The following NCALD variants were observed in gnomAD, a reference collection of about 807,000 sequenced individuals.
NCALD encodes neurocalcin delta.
In NCALD, 10 loss-of-function variants were observed where a neutral mutation model predicts 18.6. That is an observed-to-expected ratio of 0.54 (90% CI 0.33 to 0.91). NCALD has a LOEUF of 0.91. Ranked by LOEUF, NCALD falls within the 40% of genes least tolerant of loss-of-function variation. The pLI is 0.03. For synonymous variants in NCALD, 88 were observed against 87.4 expected, an observed-to-expected ratio of 1.01 and a Z score of -0.04; for missense variants, 184 against 247.6, an observed-to-expected ratio of 0.74 and a Z score of 1.72.
At chr8:102,025,095 C>T (rs978219750) in intron 1 of NCALD, among the ~76,000 whole-genome samples, 6 of 152,206 alleles carry the variant, frequency 3.9e-5, no homozygotes, top group Non-Finnish European at 8.8e-5. Context: ...TGACACTACC[C>T]TCCTCCTAGG....
At position 102,108,607 on chromosome 8, in the gene NCALD, G is replaced by A. The variant is rs555022951; in HGVS notation, c.-210+15630C>T. Among the ~76,000 whole-genome samples the A allele has an allele frequency of 3.3e-5, 5 of 152,342 alleles. No homozygotes were observed. The East Asian group carries it at 5.8e-4, about 18-fold the overall frequency. ...TGATATCCTTTTGTAAAAGTCTAAG[G>A]ACGATAGCAGGAGCTACAACAATAC... On this transcript the variant is annotated intron_variant, in intron 1 of 6. Coordinates refer to the NCALD transcript ENST00000311028.
chr8:101,888,391 TCTTTTTTATTTA>T (rs902616641), intron 3 of NCALD, among the ~76,000 whole-genome samples: 4 of 151,496 alleles, frequency 2.6e-5, no homozygotes, highest in African/African-American at 9.8e-5. Flanking sequence ...AGCTGGACTT[TCTTTTTTATTTA>T]TTTATTTATT....
chr8:101,869,415 C>T (rs920293888), intron 4 of NCALD, among the ~76,000 whole-genome samples: 9 of 152,168 alleles, frequency 5.9e-5, no homozygotes, highest in Non-Finnish European at 7.4e-5. Context: ...GGAAGACATT[C>T]TCCCCATAGG....
intron 1 of NCALD, among the ~76,000 whole-genome samples, chr8:102,040,815 A>G (rs1038632692): frequency 1.3e-5 from 2 of 152,214 alleles, no homozygotes; most frequent in African/African-American, 4.8e-5. Context: ...TCTTCATAAC[A>G]GAGCCAGACT....
In NCALD at chr8:101,686,960, G is replaced by C. The variant is rs1444064776; in HGVS notation, c.*2349C>G. 2 of 152,518 alleles carry C rather than the reference G, an allele frequency of 1.3e-5. No individual in the cohort carries two copies. The highest frequency in any genetic ancestry group is 4.8e-5 in the African/African-American group (2 of 41,394). 9.4% of individuals were successfully genotyped at this position (152,518 alleles called of 1,614,324 possible). ...GATTCGACATACAAAGACCTTCCTG[G>C]GAAGGAGAAGGAGAAAAACAACCTC... On this transcript the variant is annotated 3_prime_UTR_variant, in exon 4 of 4. Transcript: ENST00000220931.
chr8:101,747,996 G>A (rs1414126320), intron 1 of NCALD, among the ~76,000 whole-genome samples: 2 of 152,260 alleles, frequency 1.3e-5, no homozygotes, highest in South Asian at 2.1e-4. Flanking sequence ...GGGATTACAG[G>A]CATGAACCAC....
chr8:102,036,205 A>C (rs1005051204), intron 1 of NCALD, among the ~76,000 whole-genome samples: 1 of 151,992 alleles, frequency 6.6e-6, no homozygotes, highest in Admixed American at 6.6e-5. Context: ...CCAGCTACTC[A>C]GGGGGCTGAG....
intron 3 of NCALD, among the ~76,000 whole-genome samples, chr8:101,912,930 T>G (rs898929703): frequency 1.3e-5 from 2 of 152,250 alleles, no homozygotes; most frequent in Non-Finnish European, 2.9e-5. Context: ...GTGACAAGCC[T>G]GTGAGATGCC....
chr8:101,862,610 T>G (rs1815591184), intron 4 of NCALD, among the ~76,000 whole-genome samples: 1 of 152,242 alleles, frequency 6.6e-6, no homozygotes, highest in Admixed American at 6.5e-5. Context: ...ACTAAAATTT[T>G]CAAAAATGAC....
intron 3 of NCALD, chr8:101,692,483 A>T (rs1038505876): frequency 2.0e-6 from 2 of 985,348 alleles, no homozygotes; most frequent in Admixed American, 1.2e-4. Context: ...GCCTGTCCCA[A>T]GGATGGGTCT....
chr8:101,703,249 G>A (rs1219752321), intron 2 of NCALD, among the ~76,000 whole-genome samples: 1 of 151,740 alleles, frequency 6.6e-6, no homozygotes, highest in Non-Finnish European at 1.5e-5. Flanking sequence ...CAGAGATATT[G>A]TAGATATTGT....
At chr8:101,690,668 C>T in intron 3 of NCALD, 1 of 985,490 alleles carries the variant, frequency 1.0e-6, no homozygotes, top group Non-Finnish European at 1.2e-6. Context: ...CCCACTTTAT[C>T]TCCATGAAGG....
intron 2 of NCALD, among the ~76,000 whole-genome samples, chr8:101,946,858 G>T (rs1260481240): frequency 7.2e-6 from 1 of 139,260 alleles, no homozygotes; most frequent in East Asian, 2.0e-4. Context: ...CCTAATTGAA[G>T]AGGACTGATA....
At chr8:101,902,273 T>A (rs1438138858) in intron 3 of NCALD, among the ~76,000 whole-genome samples, 3 of 1,452 alleles carry the variant, frequency 2.1e-3, no homozygotes. Context: ...ATCCACTGAG[T>A]TTTTTTTTTT....
In NCALD at chr8:102,042,642, G is replaced by T. The variant is rs182917156; in HGVS notation, c.-209-22353C>A. On this transcript the variant is annotated intron_variant, in intron 1 of 6. Coordinates refer to the NCALD transcript ENST00000311028. Reference sequence around the variant, plus strand: ...TTGTCGGGTCTCCTGGACATTTCATGAGACCCCCAACTAATGAAAGCTAGA... The same window carrying T: ...TTGTCGGGTCTCCTGGACATTTCATTAGACCCCCAACTAATGAAAGCTAGA... Among the ~76,000 whole-genome samples, 87 of 151,932 alleles carry T rather than the reference G, an allele frequency of 5.7e-4. No homozygotes were observed. The South Asian group carries it at 0.011, about 20-fold the overall frequency.
chr8:101,948,109 A>G (rs1992330), intron 2 of NCALD, among the ~76,000 whole-genome samples: 17,466 of 152,244 alleles, frequency 0.11, 1,209 homozygotes, highest in African/African-American at 0.18. Flanking sequence ...TGGGTTTTAT[A>G]TCTTGAAAAA....
chr8:101,976,258 T>C lies in NCALD; in HGVS notation c.-157+43979A>G, dbSNP rs1586855881. On this transcript the variant is annotated intron_variant, in intron 2 of 6. Transcript: ENST00000311028. ...TTTCACAAGTCACCCCTTTGTTAAA[T>C]TCTCCTCAAATTACCCATTTGAGAG... Among the ~76,000 whole-genome samples the C allele has an allele frequency of 2.0e-5, 3 of 152,194 alleles. No homozygotes were observed. In the South Asian group the frequency reaches 6.2e-4, roughly 32 times the overall value.
chr8:101,912,104 A>G (rs1222794200), intron 3 of NCALD, among the ~76,000 whole-genome samples: 4 of 152,226 alleles, frequency 2.6e-5, no homozygotes, highest in Non-Finnish European at 4.4e-5. Flanking sequence ...ATTTTATAAG[A>G]AAAGGATTCA....
At chr8:101,796,136 G>A (rs1294730666) in intron 4 of NCALD, among the ~76,000 whole-genome samples, 3 of 152,050 alleles carry the variant, frequency 2.0e-5, no homozygotes, top group East Asian at 1.9e-4. Context: ...AAATAGATGA[G>A]GACTCACAAA....
Sources: allele counts gnomAD v4.1 joint callset (sites outside exome capture counted in the v4.1 genomes callset), GRCh38; gene constraint gnomAD v4.1.1; transcripts MANE v1.5; gene names NCBI Gene and HGNC (gene_info 2026-07-23, HGNC 2026-07-21).